The following ME3 variants were observed in gnomAD, a reference collection of about 807,000 sequenced individuals.
ME3 encodes the protein malic enzyme 3.
Under a neutral mutation model 68.9 loss-of-function variants are expected in ME3, and 48 were observed. That is an observed-to-expected ratio of 0.70 (90% confidence interval 0.55 to 0.89). The LOEUF is 0.89. Among genes scored for constraint, ME3 ranks in the 40% least tolerant of loss-of-function variants. The pLI, the probability that ME3 is intolerant of heterozygous loss-of-function variation, is 0.00. For missense variants in ME3, 675 were observed against 797.4 expected, an observed-to-expected ratio of 0.85 and a Z score of 1.85; for synonymous variants, 320 against 318.8, an observed-to-expected ratio of 1.00 and a Z score of -0.04.
At chr11:86,636,658 A>G (rs1050898952) in intron 2 of ME3, among the ~76,000 whole-genome samples, 2 of 152,316 alleles carry the variant, frequency 1.3e-5, no homozygotes, top group African/African-American at 2.4e-5. Context: ...GAACATGCAC[A>G]AGTTTTGGAA....
intron 2 of ME3, among the ~76,000 whole-genome samples, chr11:86,621,753 A>G (rs1301273175): frequency 6.6e-6 from 1 of 152,042 alleles, no homozygotes; most frequent in Non-Finnish European, 1.5e-5. Flanking sequence ...AATAACATTC[A>G]AATCATAATT....
intron 8 of ME3, among the ~76,000 whole-genome samples, chr11:86,456,648 AG>A (rs1949949277): frequency 6.6e-6 from 1 of 152,082 alleles, no homozygotes; most frequent in Middle Eastern, 3.2e-3. Flanking sequence ...AGGACGGAGC[AG>A]GGTGGTAGCA....
At chr11:86,487,576 C>A (rs1219779296) in intron 6 of ME3, 136 bp from the exon 7 acceptor site, 2 of 669,366 alleles carry the variant, frequency 3.0e-6, no homozygotes, top group Non-Finnish European at 2.6e-6. Flanking sequence ...ACTGGATCCC[C>A]CCCGCCCAGG....
Position 86,448,231 on chromosome 11 carries a change from T to A in ME3, c.1156A>T (p.Lys386Ter). The change falls in exon 11 of 15, where the codon AAG becomes TAG. Residue 386 changes from lysine (K) to a stop codon, truncating the protein, a stop_gained. Coordinates refer to ENST00000543262, the Ensembl canonical transcript of ME3. LOFTEE classifies it high-confidence loss of function. ...GGATGGTCTTGGGCAAACATCTCCT[T>A]TTCATGGTTCAGGTGGCTCCTCCCC... 6.2e-7 allele frequency: 1 copy of A among 1,614,118 alleles called. No homozygotes were observed. The highest frequency in any genetic ancestry group is 8.5e-7 in the Non-Finnish European group (1 of 1,179,988).
chr11:86,550,103 T>A (rs924745951), intron 4 of ME3, among the ~76,000 whole-genome samples: 1 of 152,172 alleles, frequency 6.6e-6, no homozygotes, highest in African/African-American at 2.4e-5. Flanking sequence ...ATGCCTGGGC[T>A]CCACTTCAGG....
intron 2 of ME3, among the ~76,000 whole-genome samples, chr11:86,647,425 C>T (rs1945091529): frequency 6.6e-6 from 1 of 151,302 alleles, no homozygotes; most frequent in Non-Finnish European, 1.5e-5. Flanking sequence ...GCGGAGCTTG[C>T]AGTGAGCCGA....
At chr11:86,443,771 C>T (rs1264346596) in intron 13 of ME3, among the ~76,000 whole-genome samples, 2 of 152,338 alleles carry the variant, frequency 1.3e-5, no homozygotes, top group African/African-American at 2.4e-5. Flanking sequence ...CTCCTTCTCA[C>T]ACTTCCATCT....
intron 2 of ME3, among the ~76,000 whole-genome samples, chr11:86,608,652 T>C (rs1352909388): frequency 6.6e-6 from 1 of 152,170 alleles, no homozygotes; most frequent in Non-Finnish European, 1.5e-5. Context: ...TACAAGGAGT[T>C]ATCGGTTCTT....
chr11:86,482,973 T>C (rs560873321), intron 7 of ME3, among the ~76,000 whole-genome samples: 5 of 152,202 alleles, frequency 3.3e-5, no homozygotes, highest in Non-Finnish European at 5.9e-5. Flanking sequence ...GGATGGTTTT[T>C]TAACACAGCA....
chr11:86,546,835 T>C (rs1225241936), intron 4 of ME3, among the ~76,000 whole-genome samples: 3 of 152,218 alleles, frequency 2.0e-5, no homozygotes, highest in Non-Finnish European at 4.4e-5. Flanking sequence ...CAAAGGATTA[T>C]AAATCATTCC....
At chr11:86,503,397 C>G (rs1188816446) in intron 5 of ME3, among the ~76,000 whole-genome samples, 1 of 152,208 alleles carries the variant, frequency 6.6e-6, no homozygotes, top group East Asian at 1.9e-4. Flanking sequence ...CAAAGCCACA[C>G]CTCCTTCCAA....
chr11:86,642,872 A>C (rs1944755517), intron 2 of ME3, among the ~76,000 whole-genome samples: 1 of 152,228 alleles, frequency 6.6e-6, no homozygotes, highest in African/African-American at 2.4e-5. Flanking sequence ...AACTTTTGAT[A>C]CTTGCGTGAG....
chr11:86,503,580 T>C, intron 5 of ME3, among the ~76,000 whole-genome samples: 1 of 152,194 alleles, frequency 6.6e-6, no homozygotes, highest in East Asian at 1.9e-4. Context: ...TTGCCACAAG[T>C]GTTGACTGAC....
intron 2 of ME3, among the ~76,000 whole-genome samples, chr11:86,670,158 A>C (rs1303915034): frequency 1.3e-5 from 2 of 152,336 alleles, no homozygotes; most frequent in South Asian, 2.1e-4. Flanking sequence ...AGAGTCAATA[A>C]GGCAGAAGGA....
chr11:86,501,492 A>G (rs1258547832), intron 5 of ME3, among the ~76,000 whole-genome samples: 1 of 152,196 alleles, frequency 6.6e-6, no homozygotes, highest in Non-Finnish European at 1.5e-5. Context: ...GTGAAGCTTA[A>G]TGGCTTTAAC....
At chr11:86,519,544 CAG>C (rs1346852665) in intron 4 of ME3, among the ~76,000 whole-genome samples, 2 of 152,190 alleles carry the variant, frequency 1.3e-5, no homozygotes, top group African/African-American at 2.4e-5. Flanking sequence ...TTAATTAAAA[CAG>C]AGTCAGTGAC....
chr11:86,661,724 C>G (rs957904540), intron 2 of ME3, among the ~76,000 whole-genome samples: 2 of 152,214 alleles, frequency 1.3e-5, no homozygotes, highest in African/African-American at 4.8e-5. Context: ...TTCCATAGCA[C>G]TTGTATGAAT....
chr11:86,465,055 T>C, intron 8 of ME3, 36 bp downstream of exon 8: 1 of 1,512,152 alleles, frequency 6.6e-7, no homozygotes, highest in South Asian at 1.1e-5. Flanking sequence ...TATAAGTTAG[T>C]CCCCTGTAGC....
In ME3 at chr11:86,447,210, A is replaced by G. The variant is rs114582010; in HGVS notation, c.1238-3T>C. 4 of 1,613,852 alleles carry G rather than the reference A, an allele frequency of 2.5e-6. No individual in the cohort carries two copies. The African/African-American group carries it at 4.0e-5, about 16-fold the overall frequency. On this transcript the variant is annotated splice_region_variant and splice_polypyrimidine_tract_variant and intron_variant, in intron 11 of 14. Transcript: ENST00000543262. ...GGCTCCTGCGATGGCAGCAACACCT[A>G]CAGGGAAAAGGCGGGTAGTGGGGAT...
Sources: gnomAD v4.1 joint callset for allele counts (sites outside exome capture counted in the v4.1 genomes callset) on GRCh38, gnomAD v4.1.1 for gene constraint, MANE v1.5 for transcripts, NCBI Gene and HGNC (gene_info 2026-07-23, HGNC 2026-07-21) for gene names.